ROS1: variants seen among roughly 807,000 people sequenced by gnomAD.
The protein encoded by ROS1 is ROS proto-oncogene 1, receptor tyrosine kinase.
Under a neutral mutation model 273.5 loss-of-function variants are expected in ROS1, and 263 were observed. The ratio of observed to expected loss-of-function variants is 0.96; its 90% CI spans 0.87 to 1.06. ROS1 has a LOEUF of 1.06. Ranked by LOEUF, ROS1 falls within the 50% of genes least tolerant of loss-of-function variation. The probability of loss-of-function intolerance (pLI) is 0.00; values close to 1 mark genes in which losing one functional copy is unlikely to be tolerated. For missense variants in ROS1, 2,833 were observed against 2,751.1 expected, an observed-to-expected ratio of 1.03 and a Z score of -0.67; for synonymous variants, 1,008 against 954.1, an observed-to-expected ratio of 1.06 and a Z score of -1.04.
chr6:117,311,342 T>C (rs1775532884), intron 39 of ROS1, among the ~76,000 whole-genome samples: 1 of 152,082 alleles, frequency 6.6e-6, no homozygotes, highest in South Asian at 2.1e-4. Flanking sequence ...GTTTAGTAAG[T>C]AGAGGCAATA....
intron 7 of ROS1, among the ~76,000 whole-genome samples, chr6:117,400,587 T>C (rs1053818511): frequency 1.3e-5 from 2 of 152,260 alleles, no homozygotes; most frequent in African/African-American, 4.8e-5. Context: ...AAGAAGCTTT[T>C]TGTTGCTTTC....
intron 12 of ROS1, 124 bp downstream of exon 12, chr6:117,393,100 T>C: frequency 1.4e-6 from 1 of 705,538 alleles, no homozygotes; most frequent in Non-Finnish European, 2.5e-6. Flanking sequence ...TTAATTAAAT[T>C]CACCTAAAGT....
In ROS1 at chr6:117,288,669, C is replaced by T. The variant is rs2128521014; in HGVS notation, c.6849G>A (p.Glu2283=). 1 of 1,614,118 alleles carries T rather than the reference C, an allele frequency of 6.2e-7. No homozygotes were observed. Among genetic ancestry groups the T allele is most frequent in the Non-Finnish European group, 8.5e-7 (1 of 1,180,030 alleles). ...TECGQGEEKS[E]GPLGSQESES... is the part of the protein sequence containing the mutation. ...CAGATTCCTGGGAGCCTAGAGGACC[C>T]TCAGACTTTTCTTCACCTTGGCCAC... Residue 2283 remains glutamate (E), a synonymous_variant, in exon 44 of 44, where the codon GAG becomes GAA. Transcript: ENST00000368507.
intron 7 of ROS1, among the ~76,000 whole-genome samples, chr6:117,401,471 C>T (rs1773925614): frequency 6.6e-6 from 1 of 152,110 alleles, no homozygotes; most frequent in Admixed American, 6.6e-5. Flanking sequence ...TACAATTTGG[C>T]CCTTATCAGA....
intron 17 of ROS1, among the ~76,000 whole-genome samples, chr6:117,380,419 G>A (rs1437233886): frequency 6.6e-6 from 1 of 151,864 alleles, no homozygotes; most frequent in East Asian, 1.9e-4. Context: ...TTCTCCAGAA[G>A]GTAAAAATGT....
At chr6:117,316,639 AAG>A (rs1223378297) in intron 39 of ROS1, among the ~76,000 whole-genome samples, 5 of 152,180 alleles carry the variant, frequency 3.3e-5, no homozygotes, top group African/African-American at 1.2e-4. Context: ...GATGTAGGGA[AAG>A]AGAAAGCAAG....
chr6:117,302,017 A>G (rs192553944), intron 42 of ROS1, among the ~76,000 whole-genome samples: 2 of 152,336 alleles, frequency 1.3e-5, no homozygotes, highest in East Asian at 3.9e-4. Flanking sequence ...AGCTAGGGAC[A>G]TGGCCATGTG....
At chr6:117,292,145 A>G (rs1278991122) in intron 43 of ROS1, among the ~76,000 whole-genome samples, 1 of 151,320 alleles carries the variant, frequency 6.6e-6, no homozygotes, top group Non-Finnish European at 1.5e-5. Flanking sequence ...AATTTTTTCT[A>G]TTTTTTAGTA....
intron 27 of ROS1, among the ~76,000 whole-genome samples, chr6:117,351,198 C>CT (rs1778830247): frequency 6.6e-6 from 1 of 152,138 alleles, no homozygotes; most frequent in Non-Finnish European, 1.5e-5. Flanking sequence ...TTTTGCTTTG[C>CT]TTTTCGACTG....
In ROS1 at chr6:117,337,280, A is replaced by G. The variant is rs2128617146; in HGVS notation, c.5122T>C (p.Cys1708Arg). The G allele has an allele frequency of 6.2e-7, 1 of 1,612,660 alleles. No homozygotes were observed. The highest frequency in any genetic ancestry group is 8.5e-7 in the Non-Finnish European group (1 of 1,179,040). Residue 1708 changes from cysteine to arginine, a missense_variant, in exon 32 of 44, where the codon TGT (cysteine) becomes CGT (arginine). Cys to Arg is a radical substitution (Grantham distance 180). Transcript: ENST00000368507. The stretch of plus-strand genomic sequence containing the variant: ...TAAGGTTGTAGATTTGTGATATTAC[A>G]GACATAAGCAGGACCTTGGCTGCAT... ...TSCSQGPAYV[C>R]NITNLQPYTS...
intron 22 of ROS1, 23 bp from the exon 23 acceptor site, chr6:117,360,428 T>G (rs1779707127): frequency 7.6e-6 from 12 of 1,584,750 alleles, no homozygotes; most frequent in Non-Finnish European, 1.0e-5. Context: ...AAACAAAAAT[T>G]GCATTCAGTA....
intron 6 of ROS1, among the ~76,000 whole-genome samples, chr6:117,403,617 C>G (rs996737200): frequency 2.0e-5 from 3 of 151,858 alleles, no homozygotes; most frequent in African/African-American, 7.3e-5. Flanking sequence ...CACCATAGAC[C>G]GTACTTCTGA....
chr6:117,405,047 G>C (rs900895615), intron 5 of ROS1, among the ~76,000 whole-genome samples: 1 of 152,100 alleles, frequency 6.6e-6, no homozygotes, highest in African/African-American at 2.4e-5. Context: ...ATTTCTGAAT[G>C]GTATGTCACT....
Position 117,416,256 on chromosome 6 carries a change from ACACACTTTAAAGCACAGTTTTT to A in ROS1, c.208_228+1del. ...CAAAATAGAAATCTAATTAATACTT[ACACACTTTAAAGCACAGTTTTT>A]CTGATCTACAGAGTTCCAAAAGTGA... On this transcript the variant is annotated splice_donor_variant and coding_sequence_variant, in exon 3 of 44. Coordinates refer to ENST00000368507, the MANE Select transcript of ROS1 (RefSeq NM_001378902.1). LOFTEE classifies it high-confidence loss of function. The A allele has an allele frequency of 6.5e-7, 1 of 1,542,736 alleles. No homozygotes were observed.
chr6:117,342,504 G>T lies in ROS1; in HGVS notation c.4547C>A (p.Pro1516Gln), dbSNP rs112739824. The T allele has an allele frequency of 4.7e-5, 75 of 1,600,118 alleles. No individual in the cohort carries two copies. In the African/African-American group the frequency reaches 7.3e-4, roughly 15 times the overall value. Residue 1516 changes from proline to glutamine, a missense_variant, in exon 29 of 44, where the codon CCA becomes CAA. Physicochemically the swap from Pro to Gln is moderately conservative, Grantham distance 76. Coordinates refer to ENST00000368507, the MANE Select transcript of ROS1 (RefSeq NM_001378902.1). ...DSIALIEDLQ[P>Q]FSTYMIQIAV... is the part of the protein sequence containing the mutation. ...TATCTGTATCATGTATGTTGAAAAT[G>T]GTTGTAAATCTTCAATAAGAGCTAT...
At chr6:117,378,553 A>G (rs1338452999) in intron 18 of ROS1, among the ~76,000 whole-genome samples, 4 of 152,212 alleles carry the variant, frequency 2.6e-5, no homozygotes, top group Non-Finnish European at 5.9e-5. Context: ...ATTTCACATT[A>G]TGTATATTTT....
intron 35 of ROS1, among the ~76,000 whole-genome samples, chr6:117,321,795 C>T (rs888623623): frequency 1.4e-5 from 2 of 147,368 alleles, no homozygotes; most frequent in African/African-American, 5.0e-5. Flanking sequence ...TTATATTCCT[C>T]AGTAGAAAAG....
At chr6:117,314,485 G>T (rs571631149) in intron 39 of ROS1, among the ~76,000 whole-genome samples, 4 of 152,256 alleles carry the variant, frequency 2.6e-5, no homozygotes, top group Admixed American at 2.6e-4. Flanking sequence ...CAAAAAGAAC[G>T]TTTAGGTTAT....
intron 8 of ROS1, 141 bp downstream of exon 8, chr6:117,396,774 A>G (rs2128716251): frequency 1.5e-6 from 1 of 654,814 alleles, no homozygotes; most frequent in Non-Finnish European, 2.6e-6. Flanking sequence ...GAGGAAAACC[A>G]CAATGACTTC....
Sources: gnomAD v4.1 joint callset for allele counts (sites outside exome capture counted in the v4.1 genomes callset) on GRCh38, gnomAD v4.1.1 for gene constraint, MANE v1.5 for transcripts, NCBI Gene and HGNC (gene_info 2026-07-23, HGNC 2026-07-21) for gene names.